Variants in ALDH1A2 observed in about 807,000 individuals in gnomAD.
ALDH1A2 encodes retinal dehydrogenase 2.
ALDH1A2 carries 27 observed loss-of-function variants against 60.3 expected under a neutral mutation model. The ratio of observed to expected loss-of-function variants is 0.45; its 90% CI spans 0.33 to 0.62. The LOEUF is 0.62. ALDH1A2 is among the 20% of genes least tolerant of loss of function. The pLI is 0.02. For missense variants in ALDH1A2, 581 were observed against 643.8 expected (o/e 0.90, Z 1.06); for synonymous variants, 289 against 232.4 (o/e 1.24, Z -2.21).
At chr15:58,013,042 T>C (rs539797979) in intron 3 of ALDH1A2, among the ~76,000 whole-genome samples, 1 of 152,240 alleles carries the variant, frequency 6.6e-6, no homozygotes, top group South Asian at 2.1e-4. Context: ...CAAAACCCAT[T>C]AGGGCAGGAG....
rs1566928906 is a variant in ALDH1A2, at chr15:57,961,996, A to G, written c.1251+16T>C. 6.2e-7 allele frequency: 1 copy of G among 1,614,140 alleles called. No homozygotes were observed. The highest frequency in any genetic ancestry group is 1.1e-5 in the South Asian group (1 of 91,084). On this transcript the variant is annotated intron_variant, in intron 10 of 12. Transcript: ENST00000249750. ...CAAGAAAGATGTGGCTTTTGTAAGA[A>G]CAGCATATTTGATACCTCCTCCTTG... is the stretch of plus-strand genomic sequence containing the variant.
At chr15:57,984,978 T>A (rs1199997176) in intron 7 of ALDH1A2, among the ~76,000 whole-genome samples, 1 of 152,222 alleles carries the variant, frequency 6.6e-6, no homozygotes, top group Non-Finnish European at 1.5e-5. Context: ...TCCCACTTGG[T>A]CATGGTATAT....
At chr15:58,038,030 T>C (rs1344941467) in intron 1 of ALDH1A2, among the ~76,000 whole-genome samples, 1 of 151,434 alleles carries the variant, frequency 6.6e-6, no homozygotes, top group Non-Finnish European at 1.5e-5. Flanking sequence ...TTTTTCTCTA[T>C]CTTCCTGCCT....
At chr15:57,973,354 C>CT (rs1221405320) in intron 7 of ALDH1A2, among the ~76,000 whole-genome samples, 1 of 152,178 alleles carries the variant, frequency 6.6e-6, no homozygotes, top group Non-Finnish European at 1.5e-5. Context: ...AGGCCTTTTG[C>CT]TTTAGTAAAA....
chr15:58,020,872 T>A (rs1450377903), intron 1 of ALDH1A2, among the ~76,000 whole-genome samples: 1 of 152,210 alleles, frequency 6.6e-6, no homozygotes, highest in African/African-American at 2.4e-5. Flanking sequence ...GGTGGATTTA[T>A]CAACATATTC....
chr15:57,988,638 C>T (rs987767284), intron 7 of ALDH1A2, among the ~76,000 whole-genome samples: 1 of 152,182 alleles, frequency 6.6e-6, no homozygotes, highest in Non-Finnish European at 1.5e-5. Context: ...CAATCTACAT[C>T]TTGATTCGGA....
At chr15:57,969,905 G>T (rs1195087609) in intron 7 of ALDH1A2, among the ~76,000 whole-genome samples, 3 of 152,204 alleles carry the variant, frequency 2.0e-5, no homozygotes, top group African/African-American at 4.8e-5. Context: ...GCCCACAGGA[G>T]TCAGAAGACC....
chr15:57,974,199 C>A (rs1246417317), intron 7 of ALDH1A2, among the ~76,000 whole-genome samples: 1 of 152,024 alleles, frequency 6.6e-6, no homozygotes, highest in African/African-American at 2.4e-5. Flanking sequence ...TTTGGGAGGC[C>A]AAGGCTGGTG....
chr15:57,978,157 C>T (rs1019088344), intron 7 of ALDH1A2, among the ~76,000 whole-genome samples: 42 of 152,320 alleles, frequency 2.8e-4, no homozygotes, highest in African/African-American at 8.9e-4. Context: ...ATTTGACTTC[C>T]TCTCTTCCTA....
At chr15:58,064,105 A>G (rs1221884938) in intron 1 of ALDH1A2, among the ~76,000 whole-genome samples, 1 of 152,114 alleles carries the variant, frequency 6.6e-6, no homozygotes, top group African/African-American at 2.4e-5. Context: ...TCTCCTGTGT[A>G]GATCTTCCAT....
At chr15:58,029,265 G>C (rs1028310116) in intron 1 of ALDH1A2, among the ~76,000 whole-genome samples, 6 of 152,102 alleles carry the variant, frequency 3.9e-5, no homozygotes, top group Non-Finnish European at 7.4e-5. Flanking sequence ...TAACTACATG[G>C]AAACTGAACA....
Position 57,960,776 on chromosome 15 carries a change from C to A in ALDH1A2, c.1478G>T (p.Arg493Ile), listed in dbSNP as rs1566928383. 1.2e-6 allele frequency: 2 copies of A among 1,613,788 alleles called. No homozygotes were observed. Among genetic ancestry groups the A allele is most frequent in the Non-Finnish European group, 8.5e-7 (1 of 1,179,728 alleles). ...CAGCAACTTTAAGACTTACATTTCT[C>A]TCCCATTTCCAGACATCTTGAATCC... ...FGGFKMSGNG[R>I]EMGEFGLREY... Residue 493 changes from arginine (R) to isoleucine (I), a missense_variant, in exon 12 of 13, where the codon AGA becomes ATA. Arg to Ile is a moderately conservative substitution (Grantham distance 97). This residue lies in a region of ALDH1A2 where 375 missense variants were observed against 469.7 expected (regional missense o/e 0.80). Transcript: ENST00000249750.
At chr15:58,063,321 T>C (rs1443570497) in intron 1 of ALDH1A2, among the ~76,000 whole-genome samples, 3 of 152,222 alleles carry the variant, frequency 2.0e-5, no homozygotes, top group African/African-American at 7.2e-5. Flanking sequence ...CCCTAACGCG[T>C]AATACTTTTG....
intron 1 of ALDH1A2, among the ~76,000 whole-genome samples, chr15:58,019,744 G>A (rs745748546): frequency 6.6e-6 from 1 of 152,150 alleles, no homozygotes; most frequent in African/African-American, 2.4e-5. Flanking sequence ...AAGACAGAAT[G>A]ATAGGCACTT....
At chr15:58,034,945 C>T (rs1240188362) in intron 1 of ALDH1A2, among the ~76,000 whole-genome samples, 2 of 151,668 alleles carry the variant, frequency 1.3e-5, no homozygotes, top group Admixed American at 1.3e-4. Context: ...TTCTCGTAAT[C>T]TCTTTATCTG....
At chr15:58,059,465 T>C (rs1448765215) in intron 1 of ALDH1A2, among the ~76,000 whole-genome samples, 1 of 152,202 alleles carries the variant, frequency 6.6e-6, no homozygotes, top group African/African-American at 2.4e-5. Flanking sequence ...CGTTTTTAAA[T>C]TATATAAAGT....
chr15:58,005,743 C>T (rs1299376837), intron 4 of ALDH1A2, among the ~76,000 whole-genome samples: 1 of 151,822 alleles, frequency 6.6e-6, no homozygotes, highest in Non-Finnish European at 1.5e-5. Flanking sequence ...TTATGGGTGA[C>T]CAAACAGAAC....
At chr15:58,054,099 G>A (rs192425149) in intron 1 of ALDH1A2, among the ~76,000 whole-genome samples, 32 of 152,238 alleles carry the variant, frequency 2.1e-4, no homozygotes, top group African/African-American at 7.7e-4. Context: ...ACAGCTGGGA[G>A]AGCCAACTAC....
intron 1 of ALDH1A2, among the ~76,000 whole-genome samples, chr15:58,060,132 G>C (rs1182601185): frequency 6.6e-6 from 1 of 152,032 alleles, no homozygotes; most frequent in African/African-American, 2.4e-5. Flanking sequence ...GATTGGCCAG[G>C]TTGGTGTCAA....
Sources: allele counts gnomAD v4.1 joint callset (sites outside exome capture counted in the v4.1 genomes callset), GRCh38; gene constraint gnomAD v4.1.1; regional missense constraint gnomAD v4.1.1; transcripts MANE v1.5; gene names NCBI Gene and HGNC (gene_info 2026-07-23, HGNC 2026-07-21).